The following QTGAL variants were observed in gnomAD, a reference collection of about 807,000 sequenced individuals.
QTGAL encodes queuosine-tRNA galactosyltransferase.
the QTGAL span, among the ~76,000 whole-genome samples, chr17:83,040,254 A>C: frequency 6.6e-6 from 1 of 152,328 alleles, no homozygotes; most frequent in East Asian, 1.9e-4. Flanking sequence ...CACAAAGTTG[A>C]CGACCATTAT....
chr17:83,009,356 G>A, the QTGAL span, among the ~76,000 whole-genome samples: 1 of 151,982 alleles, frequency 6.6e-6, no homozygotes, highest in Non-Finnish European at 1.5e-5. Flanking sequence ...CCTGGGAGGC[G>A]GAGGTTGCAG....
chr17:82,987,337 T>C, the QTGAL span, among the ~76,000 whole-genome samples: 4 of 152,336 alleles, frequency 2.6e-5, no homozygotes, highest in African/African-American at 7.2e-5. Flanking sequence ...AGAAGACTTA[T>C]TTGAGAAATG....
the QTGAL span, among the ~76,000 whole-genome samples, chr17:82,969,253 G>T: frequency 6.6e-6 from 1 of 151,660 alleles, no homozygotes; most frequent in African/African-American, 2.4e-5. Flanking sequence ...TCTGCCTCCC[G>T]CATTCAAGCG....
the QTGAL span, among the ~76,000 whole-genome samples, chr17:82,982,086 C>A: frequency 5.4e-5 from 8 of 146,846 alleles, no homozygotes; most frequent in Admixed American, 5.4e-4. Context: ...CCATCCTTCT[C>A]ACCTCCATGG....
chr17:82,971,683 C>CGA, the QTGAL span, among the ~76,000 whole-genome samples: 2 of 14,664 alleles, frequency 1.4e-4, no homozygotes, highest in African/African-American at 8.5e-4. Context: ...GACCTGGTGC[C>CGA]CACCACACCA....
chr17:83,008,828 G>GCGGGCTC, the QTGAL span, among the ~76,000 whole-genome samples: 4 of 151,756 alleles, frequency 2.6e-5, no homozygotes, highest in Non-Finnish European at 5.9e-5. Flanking sequence ...GAGCGAGTGC[G>GCGGGCTC]CAGGCTCCAG....
chr17:83,013,717 G>A, the QTGAL span, among the ~76,000 whole-genome samples: 1 of 152,088 alleles, frequency 6.6e-6, no homozygotes, highest in Admixed American at 6.5e-5. Context: ...CGGGGGGAGG[G>A]CAGAGGGGCC....
At chr17:83,031,712 T>C in the QTGAL span, among the ~76,000 whole-genome samples, 1 of 152,192 alleles carries the variant, frequency 6.6e-6, no homozygotes, top group East Asian at 1.9e-4. Flanking sequence ...GCAGCAGGTG[T>C]GGGGTGGGTC....
the QTGAL span, among the ~76,000 whole-genome samples, chr17:82,982,236 G>A: frequency 1.3e-3 from 199 of 152,358 alleles, no homozygotes; most frequent in African/African-American, 4.3e-3. Flanking sequence ...TTGCTGTCCC[G>A]GGTGTCAGTT....
At chr17:82,972,643 C>CGA in the QTGAL span, among the ~76,000 whole-genome samples, 1 of 115,324 alleles carries the variant, frequency 8.7e-6, no homozygotes, top group African/African-American at 3.8e-5. Flanking sequence ...GACCTGGTGC[C>CGA]CACCACACCA....
the QTGAL span, among the ~76,000 whole-genome samples, chr17:83,003,288 C>G: frequency 2.3e-5 from 1 of 43,998 alleles, no homozygotes; most frequent in South Asian, 1.2e-3. Flanking sequence ...GATTCCTGAG[C>G]CCGCCCTCCC....
At chr17:82,947,777 A>C in the QTGAL span, 1 of 152,228 alleles carries the variant, frequency 6.6e-6, no homozygotes, top group Non-Finnish European at 1.5e-5. Flanking sequence ...TACACCACCT[A>C]CCACTGCTGT....
At chr17:83,026,873 A>G in the QTGAL span, among the ~76,000 whole-genome samples, 337 of 5,412 alleles carry the variant, frequency 0.062, no homozygotes, top group African/African-American at 0.11. Context: ...GCGGGGCAGG[A>G]AGCCTGCAGA....
At chr17:82,965,884 A>G in the QTGAL span, 2 of 889,766 alleles carry the variant, frequency 2.2e-6, no homozygotes, top group Non-Finnish European at 3.5e-6. Context: ...GGGCCTCAAG[A>G]GACTTCACCA....
At chr17:83,037,702 A>C in the QTGAL span, among the ~76,000 whole-genome samples, 9,853 of 152,302 alleles carry the variant, frequency 0.065, 1,094 homozygotes, top group African/African-American at 0.22. The surrounding 1 kb of genome is among the most constrained non-coding windows in gnomAD (Gnocchi z 5.2). Flanking sequence ...ACACTGTTCA[A>C]CAGGGGCTCT....
chr17:83,029,656 T>C, the QTGAL span, among the ~76,000 whole-genome samples: 4 of 152,308 alleles, frequency 2.6e-5, no homozygotes, highest in African/African-American at 7.2e-5. Flanking sequence ...AGATTGGCTA[T>C]GTCTGCCTTT....
chr17:82,973,466 G>A, the QTGAL span, among the ~76,000 whole-genome samples: 31 of 152,210 alleles, frequency 2.0e-4, no homozygotes, highest in South Asian at 6.2e-4. Flanking sequence ...TTCCCGGGGA[G>A]CAGCGCTCCT....
the QTGAL span, among the ~76,000 whole-genome samples, chr17:83,014,775 C>T: frequency 4.6e-5 from 7 of 152,330 alleles, no homozygotes; most frequent in East Asian, 9.6e-4. Context: ...AGTAAGAAAA[C>T]GATAGACAAT....
the QTGAL span, among the ~76,000 whole-genome samples, chr17:83,050,139 G>A: frequency 1.3e-5 from 2 of 152,186 alleles, no homozygotes; most frequent in African/African-American, 4.8e-5. Context: ...GGGAGGCCGA[G>A]GCGGGCAGAT....
Sources: allele counts gnomAD v4.1 joint callset (sites outside exome capture counted in the v4.1 genomes callset), GRCh38; gene constraint gnomAD v4.1.1; non-coding constraint Gnocchi (gnomAD v3.1); transcripts MANE v1.5; gene names NCBI Gene and HGNC (gene_info 2026-07-23, HGNC 2026-07-21).